HIVEP3: variants seen among roughly 807,000 people sequenced by gnomAD.
The protein encoded by HIVEP3 is transcription factor HIVEP3.
A neutral mutation model predicts 152.8 loss-of-function variants in HIVEP3; 49 were observed. That is an observed-to-expected ratio of 0.32 (90% CI 0.26 to 0.41). The LOEUF is 0.41. Among genes scored for constraint, HIVEP3 ranks in the 10% least tolerant of loss-of-function variants. The pLI is 1.00. For synonymous variants in HIVEP3, 1,269 were observed against 1,289.0 expected (o/e 0.98, Z 0.33); for missense variants, 2,790 against 3,103.3 (o/e 0.90, Z 2.40).
chr1:41,519,165 T>C (rs1187918984), intron 6 of HIVEP3, among the ~76,000 whole-genome samples: 2 of 152,206 alleles, frequency 1.3e-5, no homozygotes, highest in Non-Finnish European at 2.9e-5. Context: ...GGGCCTTCAG[T>C]TTCCCCAGGC....
At chr1:41,897,405 A>G (rs890998472) in intron 1 of HIVEP3, among the ~76,000 whole-genome samples, 21 of 152,174 alleles carry the variant, frequency 1.4e-4, no homozygotes, top group African/African-American at 4.6e-4. Context: ...TGATGAGGTC[A>G]TGAGGGCTGG....
At chr1:41,855,244 G>A (rs900063401) in intron 1 of HIVEP3, among the ~76,000 whole-genome samples, 1 of 151,320 alleles carries the variant, frequency 6.6e-6, no homozygotes, top group Non-Finnish European at 1.5e-5. Context: ...ATATCTCATA[G>A]TGGTTTTGAT....
Position 41,752,143 on chromosome 1 carries a change from C to T in HIVEP3, c.-800-51148G>A, listed in dbSNP as rs566179763. 1.4e-3 allele frequency among the ~76,000 whole-genome samples: 220 copies of T among 152,266 alleles called. 1 individual carries two copies. The highest frequency in any genetic ancestry group is 4.8e-3 in the African/African-American group (200 of 41,558). On this transcript the variant is annotated intron_variant, in intron 1 of 8. Transcript: ENST00000372583. Reference sequence around the variant, plus strand: ...CTGGACTGCCTTTCTGTTTGATTTCCGAAAATCTTCTTGATGACATCAGAA... The same window carrying T: ...CTGGACTGCCTTTCTGTTTGATTTCTGAAAATCTTCTTGATGACATCAGAA...
At chr1:41,880,318 C>T (rs1644241661) in intron 1 of HIVEP3, among the ~76,000 whole-genome samples, 1 of 152,130 alleles carries the variant, frequency 6.6e-6, no homozygotes, top group African/African-American at 2.4e-5. Flanking sequence ...TGGGAGATTA[C>T]AGGAGTGAGC....
At chr1:41,737,675 C>T (rs369927976) in intron 1 of HIVEP3, among the ~76,000 whole-genome samples, 219 of 152,250 alleles carry the variant, frequency 1.4e-3, no homozygotes, top group African/African-American at 5.1e-3. Flanking sequence ...ATCAAGGTCA[C>T]GTGGTTAATT....
intron 1 of HIVEP3, among the ~76,000 whole-genome samples, chr1:41,770,047 C>A (rs569153401): frequency 3.0e-4 from 45 of 152,312 alleles, no homozygotes; most frequent in Non-Finnish European, 5.7e-4. Flanking sequence ...TGGCTCACTG[C>A]AAGCTCTGCC....
chr1:41,893,291 A>G (rs1333506145), intron 1 of HIVEP3, among the ~76,000 whole-genome samples: 1 of 152,176 alleles, frequency 6.6e-6, no homozygotes, highest in Non-Finnish European at 1.5e-5. Flanking sequence ...ATAAGTGGGA[A>G]CTGGGCTCTG....
chr1:41,753,693 A>ATAAG (rs2124228952), intron 1 of HIVEP3, among the ~76,000 whole-genome samples: 1 of 151,350 alleles, frequency 6.6e-6, no homozygotes, highest in African/African-American at 2.4e-5. Context: ...AAATAAATAA[A>ATAAG]TAAATAAATA....
intron 1 of HIVEP3, among the ~76,000 whole-genome samples, chr1:42,015,789 G>C (rs1294909933): frequency 2.0e-5 from 3 of 152,254 alleles, no homozygotes; most frequent in Admixed American, 2.0e-4. Context: ...CAGGGGATGT[G>C]CCATCACTAA....
chr1:41,865,548 C>T (rs1354350357), intron 1 of HIVEP3: 1 of 152,254 alleles, frequency 6.6e-6, no homozygotes, highest in Non-Finnish European at 1.5e-5. Flanking sequence ...CTCTGGTTAC[C>T]TTTAAAGAAG....
At chr1:41,629,402 A>G (rs1444906193) in intron 2 of HIVEP3, among the ~76,000 whole-genome samples, 1 of 152,256 alleles carries the variant, frequency 6.6e-6, no homozygotes, top group Non-Finnish European at 1.5e-5. Context: ...AAGCAATTGC[A>G]ACAAAAACAA....
chr1:41,576,805 C>A (rs1434628104), intron 4 of HIVEP3, among the ~76,000 whole-genome samples: 1 of 152,166 alleles, frequency 6.6e-6, no homozygotes, highest in Non-Finnish European at 1.5e-5. Flanking sequence ...CCTCTCTGGG[C>A]CTCAGAGTCT....
chr1:41,634,859 T>C (rs1337640729), intron 2 of HIVEP3, among the ~76,000 whole-genome samples: 1 of 152,160 alleles, frequency 6.6e-6, no homozygotes, highest in Admixed American at 6.5e-5. Context: ...AAGACATTCT[T>C]GGAATCACAA....
intron 5 of HIVEP3, among the ~76,000 whole-genome samples, chr1:41,545,599 CCACCACCATCACCACCACTACCAT>C (rs1643763212): frequency 7.2e-6 from 1 of 138,306 alleles, no homozygotes; most frequent in Admixed American, 7.1e-5. Context: ...ATCACCACCA[CCACCACCATCACCACCACTACCAT>C]CACCACCACC....
Position 41,709,694 on chromosome 1 carries a change from C to G in HIVEP3, c.-800-8699G>C, listed in dbSNP as rs1051226979. Among the ~76,000 whole-genome samples, 7 of 152,266 alleles carry G rather than the reference C, an allele frequency of 4.6e-5. No homozygotes were observed. The East Asian group carries it at 1.4e-3, about 29-fold the overall frequency. On this transcript the variant is annotated intron_variant, in intron 1 of 8. Coordinates refer to ENST00000372583, the MANE Select transcript of HIVEP3 (RefSeq NM_024503.5). ...CTCTGGCTTTGTAGATAATTGGAGT[C>G]TTAGGCAGGGAAATTGAGGCAGAAA...
chr1:41,538,889 G>T (rs1290084980), intron 5 of HIVEP3, among the ~76,000 whole-genome samples: 1 of 152,110 alleles, frequency 6.6e-6, no homozygotes, highest in Non-Finnish European at 1.5e-5. Flanking sequence ...GGCCTGCAGG[G>T]TTCTAGAACA....
intron 1 of HIVEP3, among the ~76,000 whole-genome samples, chr1:41,720,509 G>T (rs1173633348): frequency 2.6e-5 from 4 of 152,258 alleles, no homozygotes; most frequent in Non-Finnish European, 2.9e-5. Flanking sequence ...TATGTGAGGA[G>T]TTGAGGGAGC....
chr1:41,891,772 C>T (rs891683319), intron 1 of HIVEP3, among the ~76,000 whole-genome samples: 2 of 152,218 alleles, frequency 1.3e-5, no homozygotes, highest in African/African-American at 4.8e-5. Flanking sequence ...CAGAGGAGAT[C>T]GGGGTTAATT....
intron 2 of HIVEP3, among the ~76,000 whole-genome samples, chr1:41,663,039 T>C (rs1007557730): frequency 5.3e-5 from 8 of 152,194 alleles, no homozygotes; most frequent in African/African-American, 1.2e-4. Flanking sequence ...GGCTTGACTT[T>C]ACCAGAAGCT....
Sources: gnomAD v4.1 joint callset for allele counts (sites outside exome capture counted in the v4.1 genomes callset) on GRCh38, gnomAD v4.1.1 for gene constraint, MANE v1.5 for transcripts, NCBI Gene and HGNC (gene_info 2026-07-23, HGNC 2026-07-21) for gene names.